The following RP1 variants were observed in gnomAD, a reference collection of about 807,000 sequenced individuals.
RP1 encodes oxygen-regulated protein 1.
In RP1, 16 loss-of-function variants were observed where a neutral mutation model predicts 14.8. The ratio of observed to expected loss-of-function variants is 1.08; its 90% CI spans 0.73 to 1.65. The LOEUF is 1.65. RP1 is among the 40% of genes most tolerant of loss of function. The pLI, the probability that RP1 is intolerant of heterozygous loss-of-function variation, is 0.00. For missense variants in RP1, 2,631 were observed against 2,535.0 expected (o/e 1.04, Z -0.81); for synonymous variants, 876 against 883.6 (o/e 0.99, Z 0.15).
In RP1 at chr8:54,629,918, C is replaced by A. The variant is rs1806203394; in HGVS notation, c.6036C>A (p.Phe2012Leu). ...GKRRKQKRIN[F>L]LGLEEEGNLK... is the part of the protein sequence containing the mutation. ...GAAGAAAACAAAAAAGAATTAACTT[C>A]TTGGGGTTAGAGGAAGAAGGTAATT... The change falls in exon 4 of 4, where the codon TTC becomes TTA. Residue 2012 changes from phenylalanine (F) to leucine (L), a missense_variant. Physicochemically the swap from Phe to Leu is conservative, Grantham distance 22. Coordinates refer to ENST00000220676, the MANE Select transcript of RP1 (RefSeq NM_006269.2). 6.2e-7 allele frequency: 1 copy of A among 1,613,838 alleles called. No homozygotes were observed. Among genetic ancestry groups the A allele is most frequent in the Non-Finnish European group, 8.5e-7 (1 of 1,179,908 alleles).
intron 22 of RP1, among the ~76,000 whole-genome samples, chr8:54,760,216 G>A (rs769260307): frequency 1.3e-5 from 2 of 152,098 alleles, no homozygotes; most frequent in Non-Finnish European, 2.9e-5. Flanking sequence ...CTTGTTCATA[G>A]TGTCTGCTTA....
chr8:54,769,876 C>A, exon 23 of RP1: 1 of 992,508 alleles, frequency 1.0e-6, no homozygotes, highest in Non-Finnish European at 1.5e-6. Context: ...GAACACTATT[C>A]CCCAGTTTTC....
At chr8:54,612,269 T>A (rs1271631302), upstream of RP1, among the ~76,000 whole-genome samples, 6 of 152,080 alleles carry the variant, frequency 3.9e-5, no homozygotes, top group Non-Finnish European at 8.8e-5. Flanking sequence ...ACACAGAAAC[T>A]TAGTATTTGG....
upstream of RP1, among the ~76,000 whole-genome samples, chr8:54,611,349 A>G (rs981332393): frequency 6.6e-6 from 1 of 152,092 alleles, no homozygotes; most frequent in African/African-American, 2.4e-5. Context: ...AGTTGATGGT[A>G]TCCCCAGGTC....
chr8:54,748,304 T>C (rs1427169016), intron 19 of RP1, among the ~76,000 whole-genome samples: 1 of 152,038 alleles, frequency 6.6e-6, no homozygotes, highest in African/African-American at 2.4e-5. Context: ...GTAAGAAAAA[T>C]AGTTTGTTTT....
chr8:54,741,925 T>C (rs1336986242), intron 19 of RP1, among the ~76,000 whole-genome samples: 2 of 151,612 alleles, frequency 1.3e-5, no homozygotes, highest in Non-Finnish European at 2.9e-5. Context: ...AATACCACTG[T>C]ATTTCTGCCT....
chr8:54,575,678 T>C (rs1586393035), intron 1 of RP1, among the ~76,000 whole-genome samples: 1 of 152,322 alleles, frequency 6.6e-6, no homozygotes, highest in East Asian at 1.9e-4. Flanking sequence ...CATGTGCTGG[T>C]TTGTTATATA....
At chr8:54,634,733 T>C (rs997958377), downstream of RP1, among the ~76,000 whole-genome samples, 4 of 152,192 alleles carry the variant, frequency 2.6e-5, no homozygotes, top group African/African-American at 9.6e-5. Context: ...AGAAGATACG[T>C]TCATCTTGTT....
chr8:54,574,905 C>T lies in RP1; in HGVS notation c.-13+15585C>T, dbSNP rs984378061. 5.3e-5 allele frequency among the ~76,000 whole-genome samples: 8 copies of T among 152,270 alleles called. No individual in the cohort carries two copies. The East Asian group carries it at 1.5e-3, about 29-fold the overall frequency. ...TTCATGTTCAGTGCCTACCCTCCTGCTGAGAGTTTGAAGTAACAGCTAACC... is the reference window on the plus strand; with the variant it reads ...TTCATGTTCAGTGCCTACCCTCCTGTTGAGAGTTTGAAGTAACAGCTAACC... On this transcript the variant is annotated intron_variant, in intron 1 of 22. Transcript: ENST00000636932.
At chr8:54,616,254 A>AGG in intron 1 of RP1, 52 bp downstream of exon 1, 1 of 152,194 alleles carries the variant, frequency 6.6e-6, no homozygotes, top group Admixed American at 6.5e-5. Context: ...CTGTTTTGCT[A>AGG]GTTGTATTTT....
intron 1 of RP1, among the ~76,000 whole-genome samples, chr8:54,590,927 G>T (rs181847539): frequency 2.0e-5 from 3 of 152,240 alleles, no homozygotes; most frequent in Admixed American, 1.3e-4. Context: ...ATCAGTAAAT[G>T]GTCCTACCAT....
At chr8:54,670,219 T>A (rs1297356646) in intron 7 of RP1, among the ~76,000 whole-genome samples, 1 of 151,940 alleles carries the variant, frequency 6.6e-6, no homozygotes, top group Non-Finnish European at 1.5e-5. Flanking sequence ...TGATCTCTCA[T>A]GGATAATGTT....
At chr8:54,669,853 A>G (rs1189992908) in intron 7 of RP1, among the ~76,000 whole-genome samples, 1 of 151,718 alleles carries the variant, frequency 6.6e-6, no homozygotes, top group African/African-American at 2.4e-5. Flanking sequence ...CAGGGTGGGG[A>G]ACATCACACA....
intron 22 of RP1, among the ~76,000 whole-genome samples, chr8:54,768,417 G>A (rs1203941957): frequency 2.6e-5 from 4 of 152,056 alleles, no homozygotes; most frequent in African/African-American, 7.2e-5. Context: ...AAGCTCCTCA[G>A]GTCACGTTTC....
Position 54,628,238 on chromosome 8 carries a change from C to G in RP1, c.4356C>G (p.Thr1452=). ...CTTCTGAAGAACCAGGCTCAATAAC[C>G]AACAGCATGACATCAAGTGAAAGAA... ...PRTSEEPGSI[T]NSMTSSERNI... The change falls in exon 4 of 4, where the codon ACC becomes ACG. Residue 1452 remains threonine (T), a synonymous_variant. Transcript: ENST00000220676. 3.7e-6 allele frequency: 6 copies of G among 1,613,876 alleles called. No individual in the cohort carries two copies. The highest frequency in any genetic ancestry group is 5.1e-6 in the Non-Finnish European group (6 of 1,179,912).
intron 3 of RP1, among the ~76,000 whole-genome samples, chr8:54,622,705 G>A (rs576180034): frequency 3.9e-5 from 6 of 152,236 alleles, no homozygotes; most frequent in African/African-American, 1.2e-4. Context: ...TCAAATCTAC[G>A]CTATGTGCTC....
At chr8:54,782,644 C>T (rs1810217867) in intron 23 of RP1, among the ~76,000 whole-genome samples, 2 of 152,102 alleles carry the variant, frequency 1.3e-5, no homozygotes, top group African/African-American at 4.8e-5. Context: ...GGACTTTGTC[C>T]TTTGCTGTGC....
downstream of RP1, among the ~76,000 whole-genome samples, chr8:54,772,730 G>A (rs1809939298): frequency 6.6e-6 from 1 of 152,174 alleles, no homozygotes; most frequent in Non-Finnish European, 1.5e-5. Context: ...CAACTTCAGG[G>A]ATTGTACTGT....
chr8:54,793,370 TAGA>T (rs1416248544), intron 24 of RP1, among the ~76,000 whole-genome samples: 2 of 151,756 alleles, frequency 1.3e-5, no homozygotes, highest in East Asian at 1.9e-4. Flanking sequence ...GACAGGATAT[TAGA>T]AGAAGAGAAA....
Sources: allele counts gnomAD v4.1 joint callset (sites outside exome capture counted in the v4.1 genomes callset), GRCh38; gene constraint gnomAD v4.1.1; transcripts MANE v1.5; gene names NCBI Gene and HGNC (gene_info 2026-07-23, HGNC 2026-07-21).